Variants in PTOV1 observed in about 807,000 individuals in gnomAD.
PTOV1 encodes the protein PTOV1 extended AT-hook containing adaptor protein.
A neutral mutation model predicts 58.0 loss-of-function variants in PTOV1; 20 were observed. That is an observed-to-expected ratio of 0.34 (90% CI 0.24 to 0.50). The LOEUF (loss-of-function observed/expected upper bound fraction) is 0.50. Ranked by LOEUF, PTOV1 falls within the 20% of genes least tolerant of loss-of-function variation. The pLI is 0.98. For missense variants in PTOV1, 593 were observed against 565.4 expected (o/e 1.05, Z -0.50); for synonymous variants, 335 against 234.2 (o/e 1.43, Z -3.93).
At position 49,857,896 on chromosome 19, in the gene PTOV1, C is replaced by A; in HGVS notation, c.805-8C>A. The A allele has an allele frequency of 6.2e-7, 1 of 1,613,356 alleles. No homozygotes were observed. Among genetic ancestry groups the A allele is most frequent in the Non-Finnish European group, 8.5e-7 (1 of 1,179,478 alleles). On this transcript the variant is annotated splice_region_variant and splice_polypyrimidine_tract_variant and intron_variant, in intron 7 of 11. Coordinates refer to ENST00000391842, the Ensembl canonical transcript of PTOV1. ...CCTGAGGGCTCCTCTTTGCCTCTCC[C>A]CCAAAAGCCCAGGCCTGAGCCCAAC... is the stretch of plus-strand genomic sequence containing the variant.
exon 12 of PTOV1, chr19:49,860,395 T>TCCCCG: frequency 1.1e-6 from 1 of 870,834 alleles, no homozygotes; most frequent in Non-Finnish European, 1.7e-6. Flanking sequence ...GGGGGTGGGG[T>TCCCCG]TGGGAAAGAA....
At chr19:49,851,657 C>G in intron 1 of PTOV1, 158 bp downstream of exon 1, 2 of 1,012,330 alleles carry the variant, frequency 2.0e-6, no homozygotes, top group Non-Finnish European at 2.4e-6. Flanking sequence ...GTGGAGCACC[C>G]GGTGGTTCGC....
Position 49,856,906 on chromosome 19 carries a change from G to A in PTOV1, c.559-69G>A, listed in dbSNP as rs1380503785. 41 of 1,574,252 alleles carry A rather than the reference G, an allele frequency of 2.6e-5. No homozygotes were observed. In the East Asian group the frequency reaches 4.9e-4, roughly 19 times the overall value. ...TCCCTTCATCCCCTACAGGTGGGGCGGTCCAGGGTGGTGGGGGCACAGTGG... is the reference window on the plus strand; with the variant it reads ...TCCCTTCATCCCCTACAGGTGGGGCAGTCCAGGGTGGTGGGGGCACAGTGG... On this transcript the variant is annotated intron_variant, in intron 5 of 11. Transcript: ENST00000391842.
At chr19:49,854,281 C>T in intron 1 of PTOV1, 125 bp from the exon 2 acceptor site, 1 of 1,301,416 alleles carries the variant, frequency 7.7e-7, no homozygotes, top group Non-Finnish European at 1.1e-6. Flanking sequence ...TGGACATGGC[C>T]CCGTGGGCTT....
Position 49,858,242 on chromosome 19 carries a change from G to GC in PTOV1, c.936+129dup, listed in dbSNP as rs2074569504. 4 of 1,241,886 alleles carry GC rather than the reference G, an allele frequency of 3.2e-6. No individual in the cohort carries two copies. The Admixed American group carries it at 6.7e-5, about 21-fold the overall frequency. 76.9% of individuals were successfully genotyped at this position (1,241,886 alleles called of 1,614,324 possible). On this transcript the variant is annotated intron_variant, in intron 9 of 11. Coordinates refer to ENST00000391842, the Ensembl canonical transcript of PTOV1. Reference sequence around the variant, plus strand: ...AGGGAGCGGAGCTGAGGGTGCTGAAGCAGGTGTGGTGGGTAGCTCCTCAGG... The same window carrying GC: ...AGGGAGCGGAGCTGAGGGTGCTGAAGCCAGGTGTGGTGGGTAGCTCCTCAGG...
exon 12 of PTOV1, chr19:49,860,649 C>T: frequency 2.3e-6 from 1 of 429,514 alleles, no homozygotes; most frequent in Non-Finnish European, 4.2e-6. Context: ...CTGGGGACTT[C>T]AACTGCCCAG....
exon 7 of PTOV1, chr19:49,857,779 G>T: frequency 1.2e-6 from 2 of 1,614,138 alleles, no homozygotes; most frequent in Non-Finnish European, 1.7e-6. Context: ...TGGAGTGGCA[G>T]GAGGTGAGCA....
At position 49,856,747 on chromosome 19, in the gene PTOV1, C is replaced by A. The variant is rs535854192; in HGVS notation, c.559-228C>A. The A allele has an allele frequency of 2.0e-4, 109 of 534,432 alleles. 2 individuals are homozygous for A. In the South Asian group the frequency reaches 2.7e-3, roughly 13 times the overall value. The allele number at this position is 534,432 out of a possible 1,614,324, so 33.1% of individuals were successfully genotyped here. On this transcript the variant is annotated intron_variant, in intron 5 of 11. Coordinates refer to ENST00000391842, the Ensembl canonical transcript of PTOV1. ...TGCCTTCTTGGCATTCTCACCGCAGCCTGGGTGCCGGGTGCCACTCTGACC... is the reference window on the plus strand; with the variant it reads ...TGCCTTCTTGGCATTCTCACCGCAGACTGGGTGCCGGGTGCCACTCTGACC...
At position 49,857,291 on chromosome 19, in the gene PTOV1, C is replaced by A. The variant is rs566695899; in HGVS notation, c.714+161C>A. ...TGCCGGGCGGGTTCCCACCAGGGCT[C>A]CATGGAAAAGCGGCCACTGGGCGGC... On this transcript the variant is annotated intron_variant, in intron 6 of 11. Coordinates refer to ENST00000391842, the Ensembl canonical transcript of PTOV1. 3.8e-6 allele frequency: 4 copies of A among 1,063,458 alleles called. No individual in the cohort carries two copies. The Middle Eastern group carries it at 9.5e-4, about 253-fold the overall frequency. 65.9% of individuals were successfully genotyped at this position (1,063,458 alleles called of 1,614,324 possible).
intron 10 of PTOV1, chr19:49,859,300 T>A (rs1319916255): frequency 6.6e-6 from 1 of 152,338 alleles, no homozygotes; most frequent in African/African-American, 2.4e-5. Flanking sequence ...TTTCAAGCAT[T>A]CCCTCAGGGG....
rs182226734 is a variant in PTOV1 at position 49,860,201 on chromosome 19, C to T, written c.1239+18C>T. 249 of 1,613,994 alleles carry T rather than the reference C, an allele frequency of 1.5e-4. No homozygotes were observed. Among genetic ancestry groups the T allele is most frequent in the Non-Finnish European group, 2.0e-4 (232 of 1,179,956 alleles). ...AACGAGGGGTGAGGTGGCCGGCCTC[C>T]AGGGCTGCTCAGTCTCCCTCCACCC... On this transcript the variant is annotated intron_variant, in intron 11 of 11. Transcript: ENST00000391842.
chr19:49,860,063 A>G (rs755294900), exon 11 of PTOV1: 3 of 1,614,190 alleles, frequency 1.9e-6, no homozygotes, highest in East Asian at 2.2e-5. Flanking sequence ...CAGAGAAGAA[A>G]ATCTTCATTG....
upstream of PTOV1, chr19:49,850,873 G>A (rs2074212039): frequency 1.3e-6 from 2 of 1,535,762 alleles, no homozygotes; most frequent in Non-Finnish European, 1.7e-6. Context: ...GCGGGCCCAG[G>A]GCTCCGGATG....
chr19:49,860,394 G>GGT, exon 12 of PTOV1: 1 of 690,694 alleles, frequency 1.4e-6, no homozygotes, highest in Non-Finnish European at 2.4e-6. Context: ...GGGGGGTGGG[G>GGT]TTGGGAAAGA....
chr19:49,858,010 C>A, intron 8 of PTOV1, 33 bp downstream of exon 8: 6 of 1,613,148 alleles, frequency 3.7e-6, no homozygotes, highest in Non-Finnish European at 4.2e-6. Flanking sequence ...GAGGCAGCAT[C>A]CAGGGGAGCT....
intron 1 of PTOV1, chr19:49,852,317 A>C: frequency 6.5e-6 from 1 of 153,700 alleles, no homozygotes; most frequent in Non-Finnish European, 1.4e-5. Context: ...GGTCATAAAC[A>C]TGGATACCGA....
At chr19:49,858,174 C>T (rs887242936) in intron 9 of PTOV1, 60 bp downstream of exon 9, 1 of 1,579,754 alleles carries the variant, frequency 6.3e-7, no homozygotes, top group Non-Finnish European at 8.6e-7. Flanking sequence ...GAGGGCGGGG[C>T]TGGGGGCAAG....
At chr19:49,858,816 C>A (rs2074602261) in intron 10 of PTOV1, 163 bp downstream of exon 10, 2 of 620,838 alleles carry the variant, frequency 3.2e-6, no homozygotes, top group African/African-American at 3.7e-5. Context: ...TCTGTGCTGT[C>A]CCCACGGCAC....
rs1199833041 is a variant in PTOV1 at position 49,859,877 on chromosome 19, G to A, written c.1042-109G>A. 3 of 1,213,486 alleles carry A rather than the reference G, an allele frequency of 2.5e-6. No homozygotes were observed. In the East Asian group the frequency reaches 7.0e-5, roughly 28 times the overall value. The allele number at this position is 1,213,486 out of a possible 1,614,324, so 75.2% of individuals were successfully genotyped here. ...AGGGTGGGTGGGGGGTGTGAGGACAGAGCAGTTAGGCTGTGCCTGGCTCAT... is the reference window on the plus strand; with the variant it reads ...AGGGTGGGTGGGGGGTGTGAGGACAAAGCAGTTAGGCTGTGCCTGGCTCAT... On this transcript the variant is annotated intron_variant, in intron 10 of 11. Coordinates refer to ENST00000391842, the Ensembl canonical transcript of PTOV1.
Sources: allele counts gnomAD v4.1 joint callset, GRCh38; gene constraint gnomAD v4.1.1; transcripts MANE v1.5; gene names NCBI Gene and HGNC (gene_info 2026-07-23, HGNC 2026-07-21).